LIPA: variants seen among roughly 807,000 people sequenced by gnomAD.
LIPA encodes the protein lipase A, lysosomal acid type, also known as lysosomal acid lipase/cholesteryl ester hydrolase.
In LIPA, 26 loss-of-function variants were observed where a neutral mutation model predicts 40.6. The ratio of observed to expected loss-of-function variants is 0.64; its 90% CI spans 0.47 to 0.89. The LOEUF is 0.89. Among genes scored for constraint, LIPA ranks in the 40% least tolerant of loss-of-function variants. LIPA has a pLI of 0.00. For synonymous variants in LIPA, 188 were observed against 168.4 expected (o/e 1.12, Z -0.90); for missense variants, 455 against 479.6 (o/e 0.95, Z 0.48).
intron 8 of LIPA, among the ~76,000 whole-genome samples, chr10:89,217,952 T>C (rs532900783): frequency 2.0e-5 from 3 of 152,106 alleles, no homozygotes; most frequent in Non-Finnish European, 4.4e-5. Flanking sequence ...GCCACTGTCA[T>C]AAATATAAAT....
intron 2 of LIPA, among the ~76,000 whole-genome samples, chr10:89,397,032 G>A (rs1228692008): frequency 6.6e-6 from 1 of 152,080 alleles, no homozygotes; most frequent in Admixed American, 6.5e-5. Flanking sequence ...ATAAAATAGG[G>A]TCGTGTTTTG....
chr10:89,412,697 C>G (rs936999643), intron 2 of LIPA: 6 of 422,390 alleles, frequency 1.4e-5, no homozygotes, highest in Non-Finnish European at 2.8e-5. Context: ...CCGGGAGGAA[C>G]GAACAACTCC....
At chr10:89,362,681 C>A in intron 2 of LIPA, 2 of 653,980 alleles carry the variant, frequency 3.1e-6, no homozygotes, top group Non-Finnish European at 2.5e-6. Flanking sequence ...AGAACATTTG[C>A]AAGAAGTTTG....
chr10:89,245,648 G>A, intron 3 of LIPA, 28 bp downstream of exon 3: 4 of 1,175,710 alleles, frequency 3.4e-6, no homozygotes, highest in Non-Finnish European at 5.1e-6. Flanking sequence ...AAGAATTCTG[G>A]TTTTTACTTT....
Position 89,223,811 on chromosome 10 carries a change from T to A in LIPA, c.695A>T (p.Glu232Val). The A allele has an allele frequency of 3.7e-6, 6 of 1,614,110 alleles. No individual in the cohort carries two copies. Among genetic ancestry groups the A allele is most frequent in the Non-Finnish European group, 5.1e-6 (6 of 1,180,006 alleles). Residue 232 changes from glutamate to valine, a missense_variant, in exon 7 of 10, where the codon GAA becomes GTA. Transcript: ENST00000336233. ...HLIKDLFGDK[E>V]FLPQSAFLKW... ...CAAAAACGCACTCTGGGGAAGAAAT[T>A]CTTTGTCTCCAAATAAGTCCTACAA...
chr10:89,393,189 T>C (rs1287288024), intron 2 of LIPA: 2 of 1,290,022 alleles, frequency 1.6e-6, no homozygotes, highest in East Asian at 5.5e-5. Context: ...TTGTGGGTAA[T>C]ACAGTGGAGA....
intron 2 of LIPA, among the ~76,000 whole-genome samples, chr10:89,386,888 A>T (rs1458769885): frequency 1.3e-5 from 2 of 152,158 alleles, no homozygotes; most frequent in African/African-American, 2.4e-5. Context: ...AGGTACTGGA[A>T]CCAAAACCTT....
chr10:89,290,112 C>T (rs183355800), intron 1 of LIPA, among the ~76,000 whole-genome samples: 68 of 152,240 alleles, frequency 4.5e-4, no homozygotes, highest in African/African-American at 1.5e-3. Flanking sequence ...TAAAAACTTG[C>T]CAACCAAGCA....
intron 1 of LIPA, among the ~76,000 whole-genome samples, chr10:89,335,806 A>G (rs983934458): frequency 2.0e-5 from 3 of 152,100 alleles, no homozygotes; most frequent in Admixed American, 2.0e-4. Flanking sequence ...AGCAAAGTTA[A>G]CTCATGTTTC....
At chr10:89,218,224 T>C (rs1260046161) in intron 8 of LIPA, among the ~76,000 whole-genome samples, 1 of 152,204 alleles carries the variant, frequency 6.6e-6, no homozygotes, top group Non-Finnish European at 1.5e-5. Context: ...TTAGAAGTCT[T>C]AAAGCTATGC....
chr10:89,338,159 A>C (rs1843776863), intron 1 of LIPA: 1 of 156,348 alleles, frequency 6.4e-6, no homozygotes, highest in Non-Finnish European at 1.4e-5. Context: ...AGGAACATCT[A>C]TATATAAAGA....
At chr10:89,403,065 A>G (rs1844463361) in intron 2 of LIPA, 1 of 1,614,126 alleles carries the variant, frequency 6.2e-7, no homozygotes, top group Admixed American at 1.7e-5. Context: ...TTACCGAAGA[A>G]AAGGCTCTGT....
chr10:89,281,160 T>C (rs1843312280), intron 1 of LIPA, among the ~76,000 whole-genome samples: 1 of 152,222 alleles, frequency 6.6e-6, no homozygotes, highest in Non-Finnish European at 1.5e-5. Flanking sequence ...GGTTCCTTTT[T>C]AGTCAGAGCC....
chr10:89,336,832 T>C (rs1163414921), intron 1 of LIPA, among the ~76,000 whole-genome samples: 1 of 152,204 alleles, frequency 6.6e-6, no homozygotes. Context: ...TTCTTTCCAA[T>C]CTTATGGTGC....
intron 2 of LIPA, among the ~76,000 whole-genome samples, chr10:89,393,610 G>C (rs914648203): frequency 4.6e-5 from 7 of 152,162 alleles, no homozygotes; most frequent in African/African-American, 1.7e-4. Flanking sequence ...CATGCCTGTA[G>C]TCCCAGCTAC....
chr10:89,228,841 A>T lies in LIPA; in HGVS notation c.230-443T>A, dbSNP rs190996924. The stretch of plus-strand genomic sequence containing the variant: ...ACGTATCAGAATGAGCAACATCCAA[A>T]AACGCTGAAAACACCAACTGCTGAA... On this transcript the variant is annotated intron_variant, in intron 3 of 9. Coordinates refer to ENST00000336233, the MANE Select transcript of LIPA (RefSeq NM_000235.4). Among the ~76,000 whole-genome samples, 284 of 152,370 alleles carry T rather than the reference A, an allele frequency of 1.9e-3. 1 individual carries two copies. The highest frequency in any genetic ancestry group is 6.4e-3 in the African/African-American group (268 of 41,586).
intron 1 of LIPA, among the ~76,000 whole-genome samples, chr10:89,318,120 G>T (rs1261929675): frequency 1.3e-5 from 2 of 152,072 alleles, no homozygotes; most frequent in African/African-American, 4.8e-5. Context: ...ACATGTCAAA[G>T]TGTAAAGACC....
intron 2 of LIPA, among the ~76,000 whole-genome samples, chr10:89,370,056 T>G (rs1844082896): frequency 6.6e-6 from 1 of 152,280 alleles, no homozygotes; most frequent in African/African-American, 2.4e-5. Flanking sequence ...TATGTAGAGC[T>G]GGGTGGTCTG....
chr10:89,227,610 A>T (rs1428298821), intron 4 of LIPA, among the ~76,000 whole-genome samples: 1 of 152,246 alleles, frequency 6.6e-6, no homozygotes, highest in Non-Finnish European at 1.5e-5. Context: ...GTATGGGTAT[A>T]TGCATGCGCA....
Sources: gnomAD v4.1 joint callset for allele counts (sites outside exome capture counted in the v4.1 genomes callset) on GRCh38, gnomAD v4.1.1 for gene constraint, MANE v1.5 for transcripts, NCBI Gene and HGNC (gene_info 2026-07-23, HGNC 2026-07-21) for gene names.